The following IMMP2L variants were observed in gnomAD, a reference collection of about 807,000 sequenced individuals.
The protein encoded by IMMP2L is inner mitochondrial membrane peptidase subunit 2.
IMMP2L carries 18 observed loss-of-function variants against 19.3 expected under a neutral mutation model. The ratio of observed to expected loss-of-function variants is 0.93; its 90% confidence interval spans 0.64 to 1.38. The LOEUF is 1.38. Among genes scored for constraint, IMMP2L ranks in the 40% most tolerant of loss-of-function variants. The probability of loss-of-function intolerance (pLI) is 0.00; values close to 1 mark genes in which losing one functional copy is unlikely to be tolerated. For synonymous variants in IMMP2L, 76 were observed against 73.0 expected, an observed-to-expected ratio of 1.04 and a Z score of -0.21; for missense variants, 233 against 218.2, an observed-to-expected ratio of 1.07 and a Z score of -0.43.
chr7:110,703,202 G>A (rs1794405560), intron 5 of IMMP2L, among the ~76,000 whole-genome samples: 1 of 151,992 alleles, frequency 6.6e-6, no homozygotes, highest in East Asian at 1.9e-4. Context: ...TTATCTTATG[G>A]TTTTGCTTTC....
chr7:111,218,307 T>C (rs1323803284), intron 3 of IMMP2L, among the ~76,000 whole-genome samples: 5 of 152,110 alleles, frequency 3.3e-5, no homozygotes, highest in East Asian at 1.9e-4. Context: ...TTTTCAATTC[T>C]TATAAATGTC....
chr7:110,916,295 G>A lies in IMMP2L; in HGVS notation c.306-29600C>T, dbSNP rs182867882. On this transcript the variant is annotated intron_variant, in intron 4 of 5. Transcript: ENST00000405709. The stretch of plus-strand genomic sequence containing the variant: ...TCATGAATTTTCTCTCTTGGAAATG[G>A]TGATTCTTTGAAGCAGAGTCATATG... 2.7e-3 allele frequency among the ~76,000 whole-genome samples: 413 copies of A among 152,268 alleles called. 2 individuals are homozygous for A. The highest frequency in any genetic ancestry group is 0.02 in the Middle Eastern group (6 of 294).
At chr7:110,855,827 T>A (rs1806700295) in intron 5 of IMMP2L, among the ~76,000 whole-genome samples, 1 of 151,986 alleles carries the variant, frequency 6.6e-6, no homozygotes. Flanking sequence ...CTCCTTAAAC[T>A]TAAACTTAGA....
intron 3 of IMMP2L, among the ~76,000 whole-genome samples, chr7:111,429,696 A>C (rs543241752): frequency 6.6e-6 from 1 of 152,084 alleles, no homozygotes; most frequent in South Asian, 2.1e-4. Context: ...GTGTTTCTTA[A>C]ATTGAGACTC....
intron 3 of IMMP2L, among the ~76,000 whole-genome samples, chr7:111,409,058 CA>C (rs1834143503): frequency 6.6e-6 from 1 of 151,706 alleles, no homozygotes; most frequent in African/African-American, 2.4e-5. Flanking sequence ...AAGCTTCTGT[CA>C]GTTAAATTGT....
At chr7:110,742,543 C>T (rs992917513) in intron 5 of IMMP2L, among the ~76,000 whole-genome samples, 2 of 151,976 alleles carry the variant, frequency 1.3e-5, no homozygotes, top group African/African-American at 2.4e-5. Flanking sequence ...CCAAGGCAAG[C>T]GGATCACAAG....
In IMMP2L at chr7:111,081,179, A is replaced by C. The variant is rs1447354482; in HGVS notation, c.240-117614T>G. Among the ~76,000 whole-genome samples the C allele has an allele frequency of 2.0e-5, 3 of 152,222 alleles. No individual in the cohort carries two copies. In the East Asian group the frequency reaches 5.8e-4, roughly 29 times the overall value. ...AAAACTATTTAGTTTATCCTTAGTC[A>C]ATTCTACTGAATTTGGCACCTCTTA... On this transcript the variant is annotated intron_variant, in intron 3 of 5. Coordinates refer to ENST00000405709, the MANE Select transcript of IMMP2L (RefSeq NM_032549.4).
chr7:110,866,390 G>T (rs997262476), intron 5 of IMMP2L, among the ~76,000 whole-genome samples: 1 of 151,642 alleles, frequency 6.6e-6, no homozygotes, highest in Non-Finnish European at 1.5e-5. Flanking sequence ...GAGGGAAGAG[G>T]CAAGCAGAAG....
intron 5 of IMMP2L, among the ~76,000 whole-genome samples, chr7:110,726,016 A>T (rs936835640): frequency 6.6e-6 from 1 of 152,198 alleles, no homozygotes; most frequent in Non-Finnish European, 1.5e-5. Context: ...ATTGAGGTTC[A>T]TAGAGATTAA....
chr7:111,205,615 C>A (rs1810614766), intron 3 of IMMP2L, among the ~76,000 whole-genome samples: 1 of 151,850 alleles, frequency 6.6e-6, no homozygotes, highest in Non-Finnish European at 1.5e-5. Flanking sequence ...TGTAAACTAT[C>A]CATATCAGTA....
At chr7:111,188,645 G>A (rs971475163) in intron 3 of IMMP2L, among the ~76,000 whole-genome samples, 4 of 152,032 alleles carry the variant, frequency 2.6e-5, no homozygotes, top group African/African-American at 4.8e-5. Context: ...GGCAGTTTAA[G>A]GAAGTAATTT....
At chr7:110,962,692 A>G in intron 4 of IMMP2L, 2 of 994,852 alleles carry the variant, frequency 2.0e-6, no homozygotes, top group Non-Finnish European at 2.4e-6. Flanking sequence ...GAGAACTGCT[A>G]GCCTAGAATC....
At chr7:110,738,136 T>G (rs572466723) in intron 5 of IMMP2L, among the ~76,000 whole-genome samples, 1 of 152,180 alleles carries the variant, frequency 6.6e-6, no homozygotes, top group Non-Finnish European at 1.5e-5. Context: ...TCTGCTAATA[T>G]GATAAAACAA....
chr7:110,913,463 A>G (rs1032066914), intron 4 of IMMP2L, among the ~76,000 whole-genome samples: 1 of 149,272 alleles, frequency 6.7e-6, no homozygotes, highest in African/African-American at 2.6e-5. Context: ...GCAAAAAAAG[A>G]AAAAAGAAAA....
At chr7:111,190,915 T>C (rs1808792107) in intron 3 of IMMP2L, among the ~76,000 whole-genome samples, 1 of 152,084 alleles carries the variant, frequency 6.6e-6, no homozygotes, top group African/African-American at 2.4e-5. Flanking sequence ...TTAACAGTCA[T>C]CTAAATGACA....
In IMMP2L at chr7:111,308,528, T is replaced by C. The variant is rs146275446; in HGVS notation, c.239+178710A>G. ...CTATGTATGGAGAACAAAAAGTTTCTAGGCAGAAAAATATTATAAAATTGA... is the reference window on the plus strand; with the variant it reads ...CTATGTATGGAGAACAAAAAGTTTCCAGGCAGAAAAATATTATAAAATTGA... On this transcript the variant is annotated intron_variant, in intron 3 of 5. Transcript: ENST00000405709. Among the ~76,000 whole-genome samples the C allele has an allele frequency of 5.9e-4, 90 of 152,040 alleles. 1 individual carries two copies. The highest frequency in any genetic ancestry group is 2.0e-3 in the African/African-American group (84 of 41,542).
intron 4 of IMMP2L, among the ~76,000 whole-genome samples, chr7:110,923,861 CT>C (rs1814558189): frequency 6.6e-6 from 1 of 152,058 alleles, no homozygotes; most frequent in Non-Finnish European, 1.5e-5. Context: ...CAGAACTTAC[CT>C]TTTTGAAAGT....
intron 3 of IMMP2L, among the ~76,000 whole-genome samples, chr7:111,014,570 A>C (rs1235419234): frequency 6.6e-6 from 1 of 152,166 alleles, no homozygotes; most frequent in Non-Finnish European, 1.5e-5. Context: ...AAAAGCAAAA[A>C]CAGACAAATG....
At chr7:111,369,153 CA>C (rs1225682997) in intron 3 of IMMP2L, among the ~76,000 whole-genome samples, 1 of 151,726 alleles carries the variant, frequency 6.6e-6, no homozygotes, top group Admixed American at 6.6e-5. Flanking sequence ...AAACAGGAAT[CA>C]AATACTTTCA....
Sources: gnomAD v4.1 joint callset for allele counts (sites outside exome capture counted in the v4.1 genomes callset) on GRCh38, gnomAD v4.1.1 for gene constraint, MANE v1.5 for transcripts, NCBI Gene and HGNC (gene_info 2026-07-23, HGNC 2026-07-21) for gene names.